DIPK1A: variants seen among roughly 807,000 people sequenced by gnomAD.
DIPK1A encodes the protein divergent protein kinase domain 1A, also known as family with sequence similarity 69 member A.
DIPK1A carries 27 observed loss-of-function variants against 40.8 expected under a neutral mutation model. That is an observed-to-expected ratio of 0.66 (90% CI 0.49 to 0.91). DIPK1A has a LOEUF of 0.91. Ranked by LOEUF, DIPK1A falls within the 40% of genes least tolerant of loss-of-function variation. The pLI is 0.00. For missense variants in DIPK1A, 412 were observed against 505.7 expected, an observed-to-expected ratio of 0.81 and a Z score of 1.78; for synonymous variants, 166 against 171.3, an observed-to-expected ratio of 0.97 and a Z score of 0.24.
intron 1 of DIPK1A, among the ~76,000 whole-genome samples, chr1:92,911,729 A>G (rs1571116938): frequency 6.6e-6 from 1 of 152,084 alleles, no homozygotes. Flanking sequence ...GGCCAGGCGC[A>G]GTGGCTCATG....
At chr1:92,904,533 C>T (rs184673191) in intron 1 of DIPK1A, among the ~76,000 whole-genome samples, 4 of 151,852 alleles carry the variant, frequency 2.6e-5, no homozygotes, top group South Asian at 2.1e-4. Context: ...TAATTTTTGT[C>T]GGTACATTAT....
intron 4 of DIPK1A, chr1:92,833,575 G>A: frequency 6.2e-7 from 1 of 1,613,498 alleles, no homozygotes; most frequent in Non-Finnish European, 8.5e-7. Flanking sequence ...GCTCGGAAAC[G>A]CTTGGTGATA....
intron 2 of DIPK1A, among the ~76,000 whole-genome samples, chr1:92,870,073 TATACACACACACACACACAC>T (rs1647759634): frequency 1.4e-5 from 2 of 143,636 alleles, no homozygotes; most frequent in South Asian, 2.2e-4. Flanking sequence ...ATGAATTATA[TATACACACACACACACACAC>T]ACACACACAC....
At chr1:92,840,693 A>G, downstream of DIPK1A, 1 of 1,280,706 alleles carries the variant, frequency 7.8e-7, no homozygotes, top group Non-Finnish European at 1.1e-6. Flanking sequence ...AATGGTTCCC[A>G]CGTGGGGCAG....
rs1295343556 is a variant in DIPK1A at position 92,833,210 on chromosome 1, A to G, written c.475-176T>C. 1.5e-5 allele frequency: 10 copies of G among 653,580 alleles called. No homozygotes were observed. In the East Asian group the frequency reaches 1.6e-4, roughly 11 times the overall value. The allele number at this position is 653,580 out of a possible 1,614,324, so 40.5% of individuals were successfully genotyped here. ...TTTTATGAAACTACTAGTCTGTGACATGGAAGGTAGAGGAAAAAGATTCTT... is the reference window on the plus strand; with the variant it reads ...TTTTATGAAACTACTAGTCTGTGACGTGGAAGGTAGAGGAAAAAGATTCTT... On this transcript the variant is annotated intron_variant, in intron 4 of 4. Coordinates refer to the DIPK1A transcript ENST00000615519.
chr1:92,897,548 C>T (rs942173278), intron 1 of DIPK1A, among the ~76,000 whole-genome samples: 2 of 152,072 alleles, frequency 1.3e-5, no homozygotes, highest in Admixed American at 1.3e-4. Flanking sequence ...GGAGATATAC[C>T]TAATGTTAAA....
chr1:92,850,883 A>C lies in DIPK1A; in HGVS notation c.262T>G (p.Phe88Val), dbSNP rs1687795988. 6.4e-7 allele frequency: 1 copy of C among 1,570,204 alleles called. No homozygotes were observed. Among genetic ancestry groups the C allele is most frequent in the African/African-American group, 1.4e-5 (1 of 74,068 alleles). The change falls in exon 3 of 5, where the codon TTT (phenylalanine) becomes GTT (valine). Residue 88 changes from phenylalanine to valine, a missense_variant. By Grantham distance (50) the Phe-to-Val change is conservative. Coordinates refer to ENST00000370310, the MANE Select transcript of DIPK1A (RefSeq NM_001006605.5). Reference sequence around the variant, plus strand: ...GGCTTGGTGGATAAACATTTTCCAAAGTAAAGAGTTTCTGTAACACAAAGG... The same window carrying C: ...GGCTTGGTGGATAAACATTTTCCAACGTAAAGAGTTTCTGTAACACAAAGG... ...NSLCVTETLY[F>V]GKCLSTKPNN... is the part of the protein sequence containing the mutation.
chr1:92,841,425 C>T (rs1365453959), downstream of DIPK1A, among the ~76,000 whole-genome samples: 3 of 152,124 alleles, frequency 2.0e-5, no homozygotes, highest in Non-Finnish European at 4.4e-5. Flanking sequence ...TTATCTGTTG[C>T]TATTAATATA....
At chr1:92,841,360 T>A (rs1188314481), downstream of DIPK1A, among the ~76,000 whole-genome samples, 4 of 152,274 alleles carry the variant, frequency 2.6e-5, 1 homozygote, top group Admixed American at 2.0e-4. Flanking sequence ...CCATCATTTT[T>A]AAAGACTGGG....
At chr1:92,901,514 G>C (rs985462233) in intron 1 of DIPK1A, among the ~76,000 whole-genome samples, 7 of 152,108 alleles carry the variant, frequency 4.6e-5, no homozygotes, top group Admixed American at 4.6e-4. Context: ...AGGGGTCACA[G>C]TATAGCACTG....
At chr1:92,875,199 T>C (rs763272723) in intron 2 of DIPK1A, among the ~76,000 whole-genome samples, 2 of 152,206 alleles carry the variant, frequency 1.3e-5, no homozygotes, top group African/African-American at 4.8e-5. Flanking sequence ...CTTATTTATC[T>C]TACCTTACTG....
At chr1:92,923,841 C>A (rs2100858448) in intron 1 of DIPK1A, among the ~76,000 whole-genome samples, 1 of 152,296 alleles carries the variant, frequency 6.6e-6, no homozygotes, top group East Asian at 1.9e-4. Context: ...TCAAATCCAA[C>A]CATCAGGCTT....
At chr1:92,844,564 C>G (rs953860029) in intron 4 of DIPK1A, among the ~76,000 whole-genome samples, 6 of 152,278 alleles carry the variant, frequency 3.9e-5, no homozygotes, top group African/African-American at 1.4e-4. Context: ...AATGTACTTA[C>G]ATCAAAGTTA....
At chr1:92,896,971 G>A (rs1649198725) in intron 1 of DIPK1A, among the ~76,000 whole-genome samples, 1 of 152,082 alleles carries the variant, frequency 6.6e-6, no homozygotes, top group Admixed American at 6.6e-5. Context: ...TCTCACACCA[G>A]TTAGAATGGT....
intron 2 of DIPK1A, among the ~76,000 whole-genome samples, chr1:92,874,674 A>G (rs1007566415): frequency 2.6e-5 from 4 of 152,200 alleles, no homozygotes; most frequent in Admixed American, 6.5e-5. Flanking sequence ...CTCCTTCTTC[A>G]CTGAAGGTTA....
At chr1:92,902,842 T>TA (rs1649472362) in intron 1 of DIPK1A, among the ~76,000 whole-genome samples, 1 of 152,174 alleles carries the variant, frequency 6.6e-6, no homozygotes, top group Admixed American at 6.5e-5. Context: ...CCTTCAGTTA[T>TA]TTTCATTAAA....
chr1:92,910,643 T>C (rs188561343), intron 1 of DIPK1A, among the ~76,000 whole-genome samples: 92 of 152,128 alleles, frequency 6.0e-4, no homozygotes, highest in Middle Eastern at 3.4e-3. Context: ...AAATATGCTA[T>C]AGTTCTTAAA....
At chr1:92,836,573 A>G (rs1687137041) in intron 4 of DIPK1A, 1 of 628,858 alleles carries the variant, frequency 1.6e-6, no homozygotes, top group Non-Finnish European at 2.8e-6. Context: ...TTATAAATTA[A>G]GAGTCTGAGG....
rs1651345098 is a variant in DIPK1A at position 92,945,950 on chromosome 1, G to C, written c.54+15426C>G. ...CTTCATTAGGGATCCCAAAGGCTAG[G>C]TTTTAATTATTATTTTTTAATAGAA... On this transcript the variant is annotated intron_variant, in intron 1 of 4. Transcript: ENST00000370310. Among the ~76,000 whole-genome samples the C allele has an allele frequency of 2.0e-5, 3 of 152,132 alleles. No homozygotes were observed. The South Asian group carries it at 6.2e-4, about 32-fold the overall frequency.
Sources: allele counts gnomAD v4.1 joint callset (sites outside exome capture counted in the v4.1 genomes callset), GRCh38; gene constraint gnomAD v4.1.1; transcripts MANE v1.5; gene names NCBI Gene and HGNC (gene_info 2026-07-23, HGNC 2026-07-21).